Variants in FSTL5 observed in about 807,000 individuals in gnomAD.
FSTL5 encodes follistatin like 5.
A neutral mutation model predicts 89.1 loss-of-function variants in FSTL5; 62 were observed. The observed-to-expected ratio is 0.70, with a 90% CI of 0.57 to 0.86. FSTL5 has a LOEUF of 0.86. FSTL5 is among the 40% of genes least tolerant of loss of function. The probability of loss-of-function intolerance (pLI) is 0.00; values close to 1 mark genes in which losing one functional copy is unlikely to be tolerated. For missense variants in FSTL5, 1,057 were observed against 1,001.6 expected, an observed-to-expected ratio of 1.06 and a Z score of -0.75; for synonymous variants, 383 against 346.2, an observed-to-expected ratio of 1.11 and a Z score of -1.18.
chr4:161,936,238 C>A (rs1872067), intron 3 of FSTL5, among the ~76,000 whole-genome samples: 11,621 of 152,164 alleles, frequency 0.076, 610 homozygotes, highest in East Asian at 0.2. Context: ...AATGAAAGTT[C>A]TTTTGCATAT....
At chr4:161,872,141 G>GTATTT (rs1732288263) in intron 4 of FSTL5, among the ~76,000 whole-genome samples, 1 of 79,564 alleles carries the variant, frequency 1.3e-5, no homozygotes, top group Non-Finnish European at 2.4e-5. Context: ...TTTTTTTTTG[G>GTATTT]TTTTTTTTTT....
At chr4:161,461,536 G>A (rs370335671) in intron 13 of FSTL5, among the ~76,000 whole-genome samples, 2 of 146,414 alleles carry the variant, frequency 1.4e-5, no homozygotes, top group South Asian at 2.2e-4. Flanking sequence ...AAAATAAAAG[G>A]AAACTGAATT....
At chr4:162,067,999 A>G (rs1393408651) in intron 2 of FSTL5, among the ~76,000 whole-genome samples, 6 of 152,092 alleles carry the variant, frequency 3.9e-5, no homozygotes, top group African/African-American at 7.2e-5. Flanking sequence ...AAGGGAAGTG[A>G]AGGCCCTCTT....
At chr4:161,670,189 T>A (rs1265507118) in intron 6 of FSTL5, among the ~76,000 whole-genome samples, 2 of 152,192 alleles carry the variant, frequency 1.3e-5, no homozygotes, top group Admixed American at 6.5e-5. Flanking sequence ...AGAAATTGCA[T>A]ATACATATGA....
chr4:161,835,532 G>C (rs1160765667), intron 4 of FSTL5, among the ~76,000 whole-genome samples: 2 of 151,802 alleles, frequency 1.3e-5, no homozygotes, highest in Non-Finnish European at 2.9e-5. Context: ...CAACATGGGA[G>C]AAAATTTTCA....
chr4:161,832,591 T>C (rs1730883748), intron 4 of FSTL5, among the ~76,000 whole-genome samples: 1 of 152,190 alleles, frequency 6.6e-6, no homozygotes, highest in African/African-American at 2.4e-5. Flanking sequence ...AGTCAACTTC[T>C]TCCTGGTTTA....
intron 7 of FSTL5, among the ~76,000 whole-genome samples, chr4:161,655,392 A>G (rs1359208513): frequency 6.6e-6 from 1 of 152,076 alleles, no homozygotes; most frequent in Non-Finnish European, 1.5e-5. Flanking sequence ...CTATTGGTCC[A>G]GTGAACACAT....
chr4:161,618,002 T>C (rs535295901), intron 7 of FSTL5, among the ~76,000 whole-genome samples: 2 of 151,178 alleles, frequency 1.3e-5, no homozygotes, highest in African/African-American at 2.4e-5. Context: ...ATTTCATTGA[T>C]GAGTGGTTTG....
chr4:161,951,835 TC>T (rs1323931138), intron 3 of FSTL5, among the ~76,000 whole-genome samples: 3 of 151,968 alleles, frequency 2.0e-5, no homozygotes, highest in Admixed American at 2.0e-4. Context: ...CATATGAATT[TC>T]CATATATTAT....
At chr4:162,140,718 G>GTAGAA (rs1428002861) in intron 1 of FSTL5, among the ~76,000 whole-genome samples, 1 of 152,120 alleles carries the variant, frequency 6.6e-6, no homozygotes, top group African/African-American at 2.4e-5. Flanking sequence ...CATAATCGAT[G>GTAGAA]TAGAAATAGC....
chr4:161,592,155 G>T (rs533539208), intron 7 of FSTL5, among the ~76,000 whole-genome samples: 1 of 152,170 alleles, frequency 6.6e-6, no homozygotes, highest in Admixed American at 6.5e-5. Flanking sequence ...TAGATCCACT[G>T]AAGTTTGAGT....
At chr4:162,091,324 T>A in intron 2 of FSTL5, among the ~76,000 whole-genome samples, 1 of 152,116 alleles carries the variant, frequency 6.6e-6, no homozygotes, top group East Asian at 1.9e-4. Context: ...CTTACATAAA[T>A]GATATTAGTA....
intron 7 of FSTL5, among the ~76,000 whole-genome samples, chr4:161,620,579 G>A (rs1308109995): frequency 6.6e-6 from 1 of 152,038 alleles, no homozygotes; most frequent in Non-Finnish European, 1.5e-5. Flanking sequence ...TCGCTTGAAC[G>A]CGAAGGGTGG....
At chr4:161,386,496 T>TTTCTTACGGCTAAA in intron 15 of FSTL5, 47 bp from the exon 16 acceptor site, 1 of 1,383,684 alleles carries the variant, frequency 7.2e-7, no homozygotes, top group Non-Finnish European at 9.9e-7. Context: ...ATGGAGTTTT[T>TTTCTTACGGCTAAA]AGCCGTAAGA....
chr4:161,547,557 T>C (rs1732048876), intron 8 of FSTL5, among the ~76,000 whole-genome samples: 1 of 151,886 alleles, frequency 6.6e-6, no homozygotes, highest in South Asian at 2.1e-4. Flanking sequence ...CCGTATAAAA[T>C]ATTATCAAAC....
intron 4 of FSTL5, among the ~76,000 whole-genome samples, chr4:161,838,828 T>G (rs1731128120): frequency 6.6e-6 from 1 of 152,096 alleles, no homozygotes; most frequent in Non-Finnish European, 1.5e-5. Context: ...GAAACCATGT[T>G]GAGCTGTAAA....
chr4:162,132,311 C>G (rs1157653199), intron 1 of FSTL5, among the ~76,000 whole-genome samples: 1 of 152,150 alleles, frequency 6.6e-6, no homozygotes, highest in African/African-American at 2.4e-5. Context: ...ATATGGCACA[C>G]TTGAGAATTT....
chr4:161,720,043 T>C (rs1409951862), intron 6 of FSTL5, among the ~76,000 whole-genome samples: 3 of 151,958 alleles, frequency 2.0e-5, no homozygotes, highest in South Asian at 2.1e-4. Context: ...AAAGCAACAA[T>C]AGACAAGTGG....
intron 15 of FSTL5, among the ~76,000 whole-genome samples, chr4:161,412,717 C>G (rs78033938): frequency 6.6e-6 from 1 of 152,038 alleles, no homozygotes; most frequent in Non-Finnish European, 1.5e-5. Flanking sequence ...CTAAAACAGA[C>G]GCATAGATCA....
Sources: allele counts gnomAD v4.1 joint callset (sites outside exome capture counted in the v4.1 genomes callset), GRCh38; gene constraint gnomAD v4.1.1; transcripts MANE v1.5; gene names NCBI Gene and HGNC (gene_info 2026-07-23, HGNC 2026-07-21).